Variants in SASH1 observed in about 807,000 individuals in gnomAD.
SASH1 encodes the protein SAM and SH3 domain-containing protein 1.
In SASH1, 44 loss-of-function variants were observed where a neutral mutation model predicts 125.2. The observed-to-expected ratio is 0.35, with a 90% CI of 0.28 to 0.45. The LOEUF is 0.45. Ranked by LOEUF, SASH1 falls within the 20% of genes least tolerant of loss-of-function variation. The probability of loss-of-function intolerance (pLI) is 1.00; values close to 1 mark genes in which losing one functional copy is unlikely to be tolerated. For missense variants in SASH1, 1,426 were observed against 1,614.5 expected (o/e 0.88, Z 2.00); for synonymous variants, 639 against 649.1 (o/e 0.98, Z 0.24).
the SASH1 span, among the ~76,000 whole-genome samples, chr6:148,230,742 T>C: frequency 6.6e-6 from 1 of 152,254 alleles, no homozygotes; most frequent in Non-Finnish European, 1.5e-5. Flanking sequence ...GGTTTTGATT[T>C]GAATTTCCCT....
intron 1 of SASH1, 98 bp from the exon 2 acceptor site, chr6:148,390,036 C>T: frequency 7.2e-7 from 1 of 1,381,258 alleles, no homozygotes; most frequent in South Asian, 1.3e-5. Context: ...TAAATACCAA[C>T]CTTTATTACT....
the SASH1 span, among the ~76,000 whole-genome samples, chr6:148,215,009 G>A: frequency 6.6e-6 from 1 of 152,162 alleles, no homozygotes; most frequent in Non-Finnish European, 1.5e-5. Context: ...ATTCTGAGGA[G>A]TCTGGCGGGC....
At chr6:148,222,123 C>CT in the SASH1 span, among the ~76,000 whole-genome samples, 1 of 152,306 alleles carries the variant, frequency 6.6e-6, no homozygotes, top group East Asian at 1.9e-4. Context: ...GGCACCTTTG[C>CT]TTTTCCTCCT....
At chr6:148,243,950 G>A in the SASH1 span, among the ~76,000 whole-genome samples, 1 of 152,096 alleles carries the variant, frequency 6.6e-6, no homozygotes, top group Non-Finnish European at 1.5e-5. Context: ...AGGATTTGGA[G>A]TCTCTCCTCT....
chr6:148,330,697 T>A (rs1233300407), intron 1 of SASH1, among the ~76,000 whole-genome samples: 2 of 152,182 alleles, frequency 1.3e-5, no homozygotes, highest in East Asian at 3.9e-4. Context: ...GCGATTCTCC[T>A]GCCTCACCCT....
At chr6:148,467,101 T>TC (rs1777875776) in intron 4 of SASH1, among the ~76,000 whole-genome samples, 2 of 118,732 alleles carry the variant, frequency 1.7e-5, no homozygotes, top group South Asian at 5.2e-4. Context: ...TTTTTTTTTT[T>TC]TTTTTTTTTT....
chr6:148,535,482 A>G (rs1337625225), intron 16 of SASH1, among the ~76,000 whole-genome samples: 1 of 152,202 alleles, frequency 6.6e-6, no homozygotes, highest in East Asian at 1.9e-4. Flanking sequence ...TAGACTGGTT[A>G]GTGAATAAAT....
chr6:148,405,820 TACTTCTGTATCCCAGC>T (rs1214185338), intron 2 of SASH1, among the ~76,000 whole-genome samples: 1 of 152,242 alleles, frequency 6.6e-6, no homozygotes, highest in African/African-American at 2.4e-5. Flanking sequence ...ATAAGTTCTG[TACTTCTGTATCCCAGC>T]ACATCATGAG....
the SASH1 span, among the ~76,000 whole-genome samples, chr6:148,222,247 C>T: frequency 6.6e-6 from 1 of 152,146 alleles, no homozygotes; most frequent in African/African-American, 2.4e-5. Flanking sequence ...GGATGTTTCC[C>T]AGACACAATC....
chr6:148,449,044 A>G (rs1776946905), intron 4 of SASH1, among the ~76,000 whole-genome samples: 1 of 137,028 alleles, frequency 7.3e-6, no homozygotes, highest in Non-Finnish European at 1.6e-5. Flanking sequence ...TTGCTGTGAT[A>G]GAATACCCGA....
At chr6:148,483,337 T>C (rs925815644) in intron 7 of SASH1, among the ~76,000 whole-genome samples, 2 of 151,686 alleles carry the variant, frequency 1.3e-5, no homozygotes, top group African/African-American at 4.8e-5. Flanking sequence ...CTCCCCAGGG[T>C]ATTAAACTAT....
At chr6:148,266,809 A>G in the SASH1 span, among the ~76,000 whole-genome samples, 1 of 150,310 alleles carries the variant, frequency 6.7e-6, no homozygotes, top group African/African-American at 2.5e-5. Context: ...ATGATGTCTC[A>G]CTATGTTGCC....
the SASH1 span, among the ~76,000 whole-genome samples, chr6:148,194,854 C>A: frequency 2.6e-5 from 4 of 152,126 alleles, no homozygotes; most frequent in African/African-American, 7.2e-5. Flanking sequence ...GGCAGTGAGC[C>A]GAGATCGCGC....
the SASH1 span, among the ~76,000 whole-genome samples, chr6:148,252,623 C>T: frequency 3.3e-5 from 5 of 151,974 alleles, no homozygotes; most frequent in African/African-American, 4.8e-5. Context: ...GGATTATAGG[C>T]GCTTGCCACC....
In SASH1 at chr6:148,290,842, C is replaced by G. The variant is rs1300263823; in HGVS notation, n.74+18465C>G. 2.0e-5 allele frequency among the ~76,000 whole-genome samples: 3 copies of G among 147,138 alleles called. No homozygotes were observed. The East Asian group carries it at 6.1e-4, about 30-fold the overall frequency. On this transcript the variant is annotated intron_variant and non_coding_transcript_variant, in intron 1 of 3. Transcript: ENST00000367469. ...CTATGACCCTGCCAAATCCCCCTCT[C>G]CGAGAAACACCCAAGAATGATCAAT...
At chr6:148,524,538 T>A (rs1781020348) in intron 10 of SASH1, 1 of 152,204 alleles carries the variant, frequency 6.6e-6, no homozygotes, top group Non-Finnish European at 1.5e-5. Flanking sequence ...TTTCATTCTT[T>A]ATAACATCAG....
chr6:148,319,022 CTTTT>C (rs10695657), intron 1 of SASH1, among the ~76,000 whole-genome samples: 80 of 66,658 alleles, frequency 1.2e-3, no homozygotes, highest in Non-Finnish European at 1.6e-3. Context: ...CATTTATCTT[CTTTT>C]TTTTTTTTTT....
chr6:148,498,587 C>G (rs1427439233), intron 8 of SASH1, among the ~76,000 whole-genome samples: 1 of 152,126 alleles, frequency 6.6e-6, no homozygotes, highest in Non-Finnish European at 1.5e-5. Flanking sequence ...ACTCGAGATA[C>G]TAGACAGCTT....
In SASH1 at chr6:148,533,072, G is replaced by A; in HGVS notation, c.1734+106G>A. On this transcript the variant is annotated intron_variant, in intron 14 of 19. Transcript: ENST00000367467. This position sits in a 1 kb window ranked among gnomAD's most constrained non-coding sequence, Gnocchi z 6.2. ...ATGCTGGGCTACTATGGTACAGACT[G>A]GACAGTATCTTGGCTACCTCGATCA... is the stretch of plus-strand genomic sequence containing the variant. The A allele has an allele frequency of 7.9e-7, 1 of 1,258,832 alleles. No individual in the cohort carries two copies. The highest frequency in any genetic ancestry group is 1.1e-6 in the Non-Finnish European group (1 of 886,468). The allele number at this position is 1,258,832 out of a possible 1,614,324, so 78.0% of individuals were successfully genotyped here.
Sources: allele counts gnomAD v4.1 joint callset (sites outside exome capture counted in the v4.1 genomes callset), GRCh38; gene constraint gnomAD v4.1.1; non-coding constraint Gnocchi (gnomAD v3.1); transcripts MANE v1.5; gene names NCBI Gene and HGNC (gene_info 2026-07-23, HGNC 2026-07-21).